Variants in LINGO2 observed in about 807,000 individuals in gnomAD.
The protein encoded by LINGO2 is leucine rich repeat and Ig domain containing 2.
In LINGO2, 14 loss-of-function variants were observed where a neutral mutation model predicts 30.6. The observed-to-expected ratio is 0.46, with a 90% confidence interval of 0.30 to 0.72. The LOEUF (loss-of-function observed/expected upper bound fraction) is 0.72, where lower values mean the gene tolerates loss of function less well. Among genes scored for constraint, LINGO2 ranks in the 30% least tolerant of loss-of-function variants. The pLI is 0.07. For missense variants in LINGO2, 729 were observed against 751.7 expected (o/e 0.97, Z 0.35); for synonymous variants, 317 against 288.5 (o/e 1.10, Z -1.00).
the LINGO2 span, among the ~76,000 whole-genome samples, chr9:28,993,879 G>T: frequency 6.6e-6 from 1 of 152,080 alleles, no homozygotes; most frequent in African/African-American, 2.4e-5. Flanking sequence ...AAAATAATTA[G>T]AGCTATCTAT....
rs567758853 is a variant in LINGO2 at position 28,136,073 on chromosome 9, C to T, written c.-86-123668G>A. On this transcript the variant is annotated intron_variant, in intron 4 of 5. Transcript: ENST00000379992. ...TTCAATTCTAATGTCCTGGTTATAT[C>T]TAGTAATTCACTTTGTAGAGTCTGA... Among the ~76,000 whole-genome samples the T allele has an allele frequency of 2.0e-5, 3 of 152,222 alleles. No homozygotes were observed. The South Asian group carries it at 6.2e-4, about 32-fold the overall frequency.
intron 1 of LINGO2, among the ~76,000 whole-genome samples, chr9:28,544,050 A>G (rs1821823324): frequency 6.6e-6 from 1 of 151,986 alleles, no homozygotes; most frequent in African/African-American, 2.4e-5. Context: ...TAAAAATACA[A>G]AAATTAGCTG....
intron 2 of LINGO2, among the ~76,000 whole-genome samples, chr9:28,392,039 C>T (rs774048559): frequency 2.6e-5 from 4 of 152,058 alleles, no homozygotes; most frequent in Non-Finnish European, 4.4e-5. Flanking sequence ...CCCGTCTCTA[C>T]TAAAAATAGA....
At chr9:29,110,639 T>TAC in the LINGO2 span, among the ~76,000 whole-genome samples, 2 of 147,674 alleles carry the variant, frequency 1.4e-5, no homozygotes, top group African/African-American at 5.0e-5. Flanking sequence ...CGGCCACAGC[T>TAC]ACAGTTTTAA....
chr9:28,831,369 A>G, the LINGO2 span, among the ~76,000 whole-genome samples: 1 of 152,216 alleles, frequency 6.6e-6, no homozygotes, highest in Non-Finnish European at 1.5e-5. Flanking sequence ...AAGGAAGGCC[A>G]TATGGTAGTA....
the LINGO2 span, among the ~76,000 whole-genome samples, chr9:28,677,658 C>T: frequency 6.6e-6 from 1 of 152,132 alleles, no homozygotes; most frequent in Non-Finnish European, 1.5e-5. Flanking sequence ...CCCTGGCCAC[C>T]TGTGTTCCAT....
chr9:27,957,159 G>T (rs1034852962), intron 5 of LINGO2, among the ~76,000 whole-genome samples: 1 of 152,024 alleles, frequency 6.6e-6, no homozygotes, highest in Non-Finnish European at 1.5e-5. Flanking sequence ...ATTACCTGGG[G>T]ACCTTTATCA....
At chr9:28,876,628 A>C in the LINGO2 span, among the ~76,000 whole-genome samples, 4 of 151,960 alleles carry the variant, frequency 2.6e-5, no homozygotes, top group Non-Finnish European at 5.9e-5. Context: ...TATGTGCCAC[A>C]TTTTCTTAAT....
chr9:27,949,079 G>T lies in LINGO2; in HGVS notation c.1593C>A (p.Ala531=), dbSNP rs1487381335. Reference sequence around the variant, plus strand: ...TTTTAAGGTCCAGGGAAAAAGTATTGGCATTGGTGCCATTGGAAATGGTGT... The same window carrying T: ...TTTTAAGGTCCAGGGAAAAAGTATTTGCATTGGTGCCATTGGAAATGGTGT... Residue 531 remains alanine (A), a synonymous_variant, in exon 6 of 6, where the codon GCC becomes GCA. Coordinates refer to ENST00000379992, the Ensembl canonical transcript of LINGO2. 3 of 1,614,036 alleles carry T rather than the reference G, an allele frequency of 1.9e-6. No homozygotes were observed. In the African/African-American group the frequency reaches 4.0e-5, roughly 22 times the overall value.
At chr9:27,981,300 T>A (rs575043286) in intron 5 of LINGO2, among the ~76,000 whole-genome samples, 1 of 151,606 alleles carries the variant, frequency 6.6e-6, no homozygotes. Context: ...AAGATAATAT[T>A]ATCTCCATTT....
chr9:28,933,276 A>G, the LINGO2 span, among the ~76,000 whole-genome samples: 2 of 152,116 alleles, frequency 1.3e-5, no homozygotes. Context: ...AATTTTCAAC[A>G]TATCACCACC....
At chr9:28,677,700 C>G in the LINGO2 span, among the ~76,000 whole-genome samples, 2 of 152,092 alleles carry the variant, frequency 1.3e-5, no homozygotes, top group African/African-American at 4.8e-5. Flanking sequence ...TTCATTAAAG[C>G]CCTTTATGCT....
chr9:28,052,134 G>A (rs995190393), intron 4 of LINGO2, among the ~76,000 whole-genome samples: 5 of 151,978 alleles, frequency 3.3e-5, no homozygotes, highest in South Asian at 2.1e-4. Context: ...ATTTTAATTC[G>A]TTAAAGAAGC....
At chr9:28,764,192 A>T in the LINGO2 span, among the ~76,000 whole-genome samples, 1 of 151,788 alleles carries the variant, frequency 6.6e-6, no homozygotes, top group African/African-American at 2.4e-5. Flanking sequence ...CATAATTCTG[A>T]TATCAAAGCC....
the LINGO2 span, among the ~76,000 whole-genome samples, chr9:29,148,402 T>C: frequency 2.6e-5 from 4 of 152,148 alleles, no homozygotes; most frequent in East Asian, 1.9e-4. Flanking sequence ...AAGAGATTGA[T>C]GGCTAAGTAA....
At chr9:28,473,318 T>C (rs1825599570) in intron 2 of LINGO2, among the ~76,000 whole-genome samples, 1 of 152,092 alleles carries the variant, frequency 6.6e-6, no homozygotes, top group African/African-American at 2.4e-5. Flanking sequence ...GCAATTCTTC[T>C]AGAATTGTTG....
the LINGO2 span, among the ~76,000 whole-genome samples, chr9:29,197,126 G>A: frequency 3.3e-5 from 5 of 151,972 alleles, no homozygotes; most frequent in Non-Finnish European, 7.4e-5. Flanking sequence ...TAAGTCATCT[G>A]TATGTAATAG....
At chr9:28,327,878 CAAAG>C (rs1825286124) in intron 3 of LINGO2, among the ~76,000 whole-genome samples, 3 of 149,276 alleles carry the variant, frequency 2.0e-5, no homozygotes, top group African/African-American at 4.9e-5. Flanking sequence ...TCAACAGAAA[CAAAG>C]AAAGGAAGGA....
chr9:28,347,483 C>G (rs1389780080), intron 3 of LINGO2, among the ~76,000 whole-genome samples: 3 of 152,012 alleles, frequency 2.0e-5, no homozygotes, highest in Admixed American at 1.3e-4. Context: ...AAGAAGTTGT[C>G]AATACAATCC....
Sources: allele counts gnomAD v4.1 joint callset (sites outside exome capture counted in the v4.1 genomes callset), GRCh38; gene constraint gnomAD v4.1.1; transcripts MANE v1.5; gene names NCBI Gene and HGNC (gene_info 2026-07-23, HGNC 2026-07-21).